Variants in ROBO4 observed in about 807,000 individuals in gnomAD.
ROBO4 encodes the protein roundabout homolog 4.
ROBO4 carries 80 observed loss-of-function variants against 103.3 expected under a neutral mutation model. That is an observed-to-expected ratio of 0.77 (90% CI 0.65 to 0.93). The LOEUF is 0.93. ROBO4 is among the 40% of genes least tolerant of loss of function. The probability of loss-of-function intolerance (pLI) is 0.00; values close to 1 mark genes in which losing one functional copy is unlikely to be tolerated. For synonymous variants in ROBO4, 504 were observed against 529.7 expected (o/e 0.95, Z 0.67); for missense variants, 1,333 against 1,305.3 (o/e 1.02, Z -0.33).
In ROBO4 at chr11:124,885,226, G is replaced by A. The variant is rs772461026; in HGVS notation, c.2816C>T (p.Pro939Leu). Reference protein sequence around the residue: ...VFIDASSPPSPRDEIFLTPNL... With the variant: ...VFIDASSPPSLRDEIFLTPNL... ...GGGGGTCAGGAAGATCTCATCCCGTGGGGAGGGAGGTGATGAGGCATCTGT... is the reference window on the plus strand; with the variant it reads ...GGGGGTCAGGAAGATCTCATCCCGTAGGGAGGGAGGTGATGAGGCATCTGT... The change falls in exon 17 of 18, where the codon CCA (proline) becomes CTA (leucine). Residue 939 changes from proline to leucine, a missense_variant. Transcript: ENST00000306534. 10 of 1,612,254 alleles carry A rather than the reference G, an allele frequency of 6.2e-6. No individual in the cohort carries two copies. Among genetic ancestry groups the A allele is most frequent in the South Asian group, 2.2e-5 (2 of 91,080 alleles).
intron 12 of ROBO4, among the ~76,000 whole-genome samples, chr11:124,888,941 T>A (rs983026649): frequency 1.4e-4 from 21 of 151,884 alleles, no homozygotes; most frequent in Admixed American, 1.4e-3. Context: ...TAGGAAAGAG[T>A]TTCCCCTCTT....
rs1487529916 is a variant in ROBO4, at chr11:124,895,575, C to G, written c.918G>C (p.Gln306His). ...AGTGGAGGCCTCCAAGCTCTGCGCT[C>G]TGCCAGCCGGCCAGCAGCTCCTCTG... ...PWAEELLAGWQSAELGGLHWG... is the reference protein window; with the variant it reads ...PWAEELLAGWHSAELGGLHWG... The change falls in exon 6 of 18, where the codon CAG becomes CAC. Residue 306 changes from glutamine (Q) to histidine (H), a missense_variant. Transcript: ENST00000306534. 1.9e-6 allele frequency: 3 copies of G among 1,613,232 alleles called. No individual in the cohort carries two copies. The African/African-American group carries it at 4.0e-5, about 22-fold the overall frequency.
In ROBO4 at chr11:124,885,013, C is replaced by T. The variant is rs1946687578; in HGVS notation, c.3001+28G>A. The T allele has an allele frequency of 4.3e-6, 7 of 1,613,700 alleles. No individual in the cohort carries two copies. In the Admixed American group the frequency reaches 1.2e-4, roughly 27 times the overall value. On this transcript the variant is annotated intron_variant, in intron 17 of 17. Coordinates refer to ENST00000306534, the MANE Select transcript of ROBO4 (RefSeq NM_019055.6). ...CCAGAGGCCCTCTGGTCAAGATGAA[C>T]ACATTAGCCAGGAAGACAGACACTC...
intron 12 of ROBO4, among the ~76,000 whole-genome samples, 160 bp downstream of exon 12, chr11:124,891,138 TG>T (rs1251131702): frequency 1.4e-5 from 2 of 145,290 alleles, no homozygotes; most frequent in African/African-American, 5.5e-5. Context: ...AGTGCTCTGG[TG>T]GTAGGAGAAA....
chr11:124,896,519 C>A lies in ROBO4; in HGVS notation c.552G>T (p.Arg184Ser), dbSNP rs779967800. The change falls in exon 3 of 18, where the codon AGG becomes AGT. Residue 184 changes from arginine to serine, a missense_variant. Arg to Ser is a moderately radical substitution (Grantham distance 110). Transcript: ENST00000306534. ...DGKPLALQPGRHTVSGGSLLM... is the reference protein window; with the variant it reads ...DGKPLALQPGSHTVSGGSLLM... ...GGGAGGGGGCCACACTTACTGTGTG[C>A]CTTCCGGGCTGGAGGGCCAGGGGTT... 12 of 1,613,790 alleles carry A rather than the reference C, an allele frequency of 7.4e-6. No homozygotes were observed. Among genetic ancestry groups the A allele is most frequent in the East Asian group, 2.2e-5 (1 of 44,866 alleles).
intron 12 of ROBO4, among the ~76,000 whole-genome samples, chr11:124,890,927 A>G (rs10160248): frequency 0.23 from 35,635 of 152,082 alleles, 5,592 homozygotes; most frequent in African/African-American, 0.45. Flanking sequence ...GCTAGTCAAC[A>G]CTTTCGTTAG....
rs747556688 is a variant in ROBO4 at position 124,895,871 on chromosome 11, G to T, written c.721C>A (p.Arg241=). ...AGTGTCACATTTTCCAGCTGAATTC[G>T]CACAGCCAGAAGCTCCACAGGCTCC... ...YTEPVELLAV[R]IQLENVTLLN... is the part of the protein sequence containing the mutation. The change falls in exon 5 of 18, where the codon CGA becomes AGA. Residue 241 remains arginine, a synonymous_variant. Transcript: ENST00000306534. 3 of 1,613,942 alleles carry T rather than the reference G, an allele frequency of 1.9e-6. No homozygotes were observed. Among genetic ancestry groups the T allele is most frequent in the Admixed American group, 3.3e-5 (2 of 59,998 alleles).
At position 124,884,646 on chromosome 11, in the gene ROBO4, G is replaced by T. The variant is rs552655204; in HGVS notation, c.*245C>A. The T allele has an allele frequency of 3.6e-4, 212 of 591,384 alleles. No homozygotes were observed. Among genetic ancestry groups the T allele is most frequent in the African/African-American group, 3.5e-3 (186 of 53,814 alleles). 36.6% of individuals were successfully genotyped at this position (591,384 alleles called of 1,614,324 possible). On this transcript the variant is annotated 3_prime_UTR_variant, in exon 18 of 18. Coordinates refer to ENST00000306534, the MANE Select transcript of ROBO4 (RefSeq NM_019055.6). ...TGGTGGGAGTGGATGGCACAGAGGA[G>T]AAAGCAGTGGCTAGGAGTCAGGTGG... is the stretch of plus-strand genomic sequence containing the variant.
Position 124,895,766 on chromosome 11 carries a change from C to T in ROBO4, c.807+19G>A, listed in dbSNP as rs772749141. On this transcript the variant is annotated intron_variant, in intron 5 of 17. Coordinates refer to ENST00000306534, the MANE Select transcript of ROBO4 (RefSeq NM_019055.6). Reference sequence around the variant, plus strand: ...CTTGAGCTCTGGATCGGCTTTTACCCTTAGCACCTGGTCCTCACCTTCCAG... The same window carrying T: ...CTTGAGCTCTGGATCGGCTTTTACCTTTAGCACCTGGTCCTCACCTTCCAG... The T allele has an allele frequency of 8.1e-6, 13 of 1,613,954 alleles. No individual in the cohort carries two copies. Among genetic ancestry groups the T allele is most frequent in the Non-Finnish European group, 1.1e-5 (13 of 1,180,042 alleles).
At position 124,894,251 on chromosome 11, in the gene ROBO4, A is replaced by T. The variant is rs766119743; in HGVS notation, c.1268T>A (p.Val423Asp). 6.2e-7 allele frequency: 1 copy of T among 1,613,958 alleles called. No homozygotes were observed. The highest frequency in any genetic ancestry group is 2.2e-5 in the East Asian group (1 of 44,870). ...GGGCTCCCCAGCTCCAGCACCAGTG[A>T]CTGCAGCCACTTGCACGCAGTAGGA... is the stretch of plus-strand genomic sequence containing the variant. The part of the protein sequence containing the change: ...PGSYCVQVAA[V>D]TGAGAGEPSR... The change falls in exon 8 of 18, where the codon GTC (valine) becomes GAC (aspartate). Residue 423 changes from valine to aspartate, a missense_variant. Physicochemically the swap from Val to Asp is radical, Grantham distance 152. Transcript: ENST00000306534.
chr11:124,886,909 A>C, intron 15 of ROBO4, 68 bp downstream of exon 15: 1 of 1,545,822 alleles, frequency 6.5e-7, no homozygotes, highest in Non-Finnish European at 8.8e-7. Flanking sequence ...GGGAGGGCGG[A>C]ATGGGTGGAG....
rs756516918 is a variant in ROBO4, at chr11:124,886,811, G to A, written c.2447C>T (p.Ser816Phe). Residue 816 changes from serine (S) to phenylalanine (F), a missense_variant, in exon 16 of 18, where the codon TCT becomes TTT. Ser to Phe is a radical substitution (Grantham distance 155). Coordinates refer to ENST00000306534, the MANE Select transcript of ROBO4 (RefSeq NM_019055.6). ...GGGTGAAGGAGCCCTTGGCATGGGA[G>A]AGACGCTGTTCCTAGGGAGAGGCAA... ...EGEETPRNSV[S>F]PMPRAPSPPT... is the part of the protein sequence containing the mutation. The A allele has an allele frequency of 6.5e-7, 1 of 1,535,984 alleles. No homozygotes were observed. The highest frequency in any genetic ancestry group is 8.8e-7 in the Non-Finnish European group (1 of 1,139,748).
At position 124,885,131 on chromosome 11, in the gene ROBO4, G is replaced by T. The variant is rs774960443; in HGVS notation, c.2911C>A (p.Arg971=). The T allele has an allele frequency of 6.2e-7, 1 of 1,614,022 alleles. No individual in the cohort carries two copies. ...LEDMEVSHTQ[R]LGRGMPPWPP... is the part of the protein sequence containing the mutation. ...CAGGGAGGCATCCCCCTTCCCAGCCGCTGGGTGTGGCTGACCTCCATGTCT... is the reference window on the plus strand; with the variant it reads ...CAGGGAGGCATCCCCCTTCCCAGCCTCTGGGTGTGGCTGACCTCCATGTCT... Residue 971 remains arginine, a synonymous_variant, in exon 17 of 18, where the codon CGG becomes AGG. Transcript: ENST00000306534.
chr11:124,897,350 G>C (rs1217018535), intron 1 of ROBO4, 89 bp from the exon 2 acceptor site: 2 of 1,023,374 alleles, frequency 2.0e-6, no homozygotes, highest in Non-Finnish European at 2.7e-6. Context: ...TCTTGTGTGC[G>C]AGTTTGCCAG....
At chr11:124,889,383 C>A (rs1475708943) in intron 12 of ROBO4, among the ~76,000 whole-genome samples, 2 of 152,140 alleles carry the variant, frequency 1.3e-5, no homozygotes, top group Non-Finnish European at 2.9e-5. Context: ...TGGAAAAGGC[C>A]ACTTTTATCC....
In ROBO4 at chr11:124,896,204, T is replaced by G; in HGVS notation, c.673A>C (p.Ile225Leu). ...HRESRAARVS[I>L]QEPQDYTEPV... ...AGCCCACCCCTGCCCTTACCCTGGA[T>G]GGAAACCCGGGCTGCGCGGCTCTCC... The change falls in exon 4 of 18, where the codon ATC becomes CTC. Residue 225 changes from isoleucine (I) to leucine (L), a missense_variant. Ile to Leu is a conservative substitution (Grantham distance 5). Coordinates refer to ENST00000306534, the MANE Select transcript of ROBO4 (RefSeq NM_019055.6). 1 of 1,613,980 alleles carries G rather than the reference T, an allele frequency of 6.2e-7. No individual in the cohort carries two copies. Among genetic ancestry groups the G allele is most frequent in the African/African-American group, 1.3e-5 (1 of 75,060 alleles).
chr11:124,886,745 T>C lies in ROBO4; in HGVS notation c.2513A>G (p.Glu838Gly). The change falls in exon 16 of 18, where the codon GAG (glutamate) becomes GGG (glycine). Residue 838 changes from glutamate to glycine, a missense_variant. Glu to Gly is a moderately conservative substitution (Grantham distance 98, BLOSUM62 -2). Coordinates refer to ENST00000306534, the MANE Select transcript of ROBO4 (RefSeq NM_019055.6). The stretch of plus-strand genomic sequence containing the variant: ...TCCAGTCCTGCCCATGTCCGTGAAC[T>C]CTGAGGCTGTTGGGACGCTGATGTA... Reference protein sequence around the residue: ...YGYISVPTASEFTDMGRTGGG... With the variant: ...YGYISVPTASGFTDMGRTGGG... 3.8e-6 allele frequency: 6 copies of C among 1,582,934 alleles called. No individual in the cohort carries two copies. The highest frequency in any genetic ancestry group is 5.2e-6 in the Non-Finnish European group (6 of 1,161,532).
In ROBO4 at chr11:124,884,902, C is replaced by G; in HGVS notation, c.3013G>C (p.Asp1005His). Residue 1005 changes from aspartate to histidine, a missense_variant, in exon 18 of 18, where the codon GAT (aspartate) becomes CAT (histidine). Transcript: ENST00000306534. The stretch of plus-strand genomic sequence containing the variant: ...CTCAGGGACACGGTTCAGGAGTAAT[C>G]TACAGGAGAAGCTGAAGGACAGTGG... Reference protein sequence around the residue: ...RMPKAGASPVDYS With the variant: ...RMPKAGASPVHYS The G allele has an allele frequency of 6.2e-7, 1 of 1,614,184 alleles. No individual in the cohort carries two copies. The highest frequency in any genetic ancestry group is 8.5e-7 in the Non-Finnish European group (1 of 1,180,026).
At position 124,884,582 on chromosome 11, in the gene ROBO4, G is replaced by A; in HGVS notation, c.*309C>T. ...CTGTGATCCAAATGGTGGGGGAAGA[G>A]CAGCAGGCAGGGCTGCTCCTCAGGC... On this transcript the variant is annotated 3_prime_UTR_variant, in exon 18 of 18. Coordinates refer to ENST00000306534, the MANE Select transcript of ROBO4 (RefSeq NM_019055.6). 1 of 459,986 alleles carries A rather than the reference G, an allele frequency of 2.2e-6. No individual in the cohort carries two copies. The highest frequency in any genetic ancestry group is 3.9e-6 in the Non-Finnish European group (1 of 257,290). The allele number at this position is 459,986 out of a possible 1,614,324, so 28.5% of individuals were successfully genotyped here.
Sources: gnomAD v4.1 joint callset for allele counts (sites outside exome capture counted in the v4.1 genomes callset) on GRCh38, gnomAD v4.1.1 for gene constraint, MANE v1.5 for transcripts, NCBI Gene and HGNC (gene_info 2026-07-23, HGNC 2026-07-21) for gene names.